The following SYT9 variants were observed in gnomAD, a reference collection of about 807,000 sequenced individuals.
SYT9 encodes synaptotagmin-9.
Under a neutral mutation model 48.4 loss-of-function variants are expected in SYT9, and 22 were observed. The ratio of observed to expected loss-of-function variants is 0.45; its 90% CI spans 0.32 to 0.65. The LOEUF (loss-of-function observed/expected upper bound fraction) is 0.65, where lower values mean the gene tolerates loss of function less well. Among genes scored for constraint, SYT9 ranks in the 30% least tolerant of loss-of-function variants. The pLI, the probability that SYT9 is intolerant of heterozygous loss-of-function variation, is 0.03. For missense variants in SYT9, 577 were observed against 622.0 expected (o/e 0.93, Z 0.77); for synonymous variants, 265 against 245.0 (o/e 1.08, Z -0.76).
intron 1 of SYT9, among the ~76,000 whole-genome samples, chr11:7,256,437 G>A (rs1434224880): frequency 6.6e-6 from 1 of 152,178 alleles, no homozygotes; most frequent in Non-Finnish European, 1.5e-5. Flanking sequence ...GGCTAAAAGT[G>A]ATTGATATAT....
intron 6 of SYT9, among the ~76,000 whole-genome samples, chr11:7,460,127 T>C (rs1277635228): frequency 1.3e-5 from 2 of 152,236 alleles, no homozygotes; most frequent in East Asian, 3.8e-4. Flanking sequence ...ATTAATAATA[T>C]ATCTAATATT....
intron 3 of SYT9, among the ~76,000 whole-genome samples, chr11:7,383,057 A>G (rs1850595813): frequency 6.6e-6 from 1 of 152,218 alleles, no homozygotes; most frequent in African/African-American, 2.4e-5. Context: ...CTTTTTGCCA[A>G]TCTTGTCATG....
In SYT9 at chr11:7,434,329, A is replaced by G. The variant is rs139371715; in HGVS notation, c.1467+13694A>G. Among the ~76,000 whole-genome samples the G allele has an allele frequency of 3.2e-3, 494 of 152,306 alleles. 2 individuals carry two copies. The highest frequency in any genetic ancestry group is 0.011 in the African/African-American group (464 of 41,562). On this transcript the variant is annotated intron_variant, in intron 6 of 6. Transcript: ENST00000318881. ...CTCCCAACCTAGTTCTAAGGCGTCTATGGAGGGATAGTGAGTGGGGCTCTC... is the reference window on the plus strand; with the variant it reads ...CTCCCAACCTAGTTCTAAGGCGTCTGTGGAGGGATAGTGAGTGGGGCTCTC...
In SYT9 at chr11:7,393,627, C is replaced by T. The variant is rs558921959; in HGVS notation, c.1045-22415C>T. 3.9e-5 allele frequency among the ~76,000 whole-genome samples: 6 copies of T among 151,978 alleles called. No individual in the cohort carries two copies. The South Asian group carries it at 1.2e-3, about 32-fold the overall frequency. ...ATGATACTGGTTTTCTAGAATGAGC[C>T]TCCTTCTCAATTTTTGGAATAGTTT... On this transcript the variant is annotated intron_variant, in intron 3 of 6. Coordinates refer to ENST00000318881, the MANE Select transcript of SYT9 (RefSeq NM_175733.4).
chr11:7,385,326 T>C (rs975786337), intron 3 of SYT9, among the ~76,000 whole-genome samples: 2 of 145,388 alleles, frequency 1.4e-5, no homozygotes, highest in Non-Finnish European at 3.0e-5. Flanking sequence ...TGAACTATAT[T>C]GTTTTTGTTT....
At chr11:7,369,790 CACAA>C (rs1475717438) in intron 3 of SYT9, among the ~76,000 whole-genome samples, 15 of 115,716 alleles carry the variant, frequency 1.3e-4, no homozygotes, top group African/African-American at 5.9e-4. Context: ...CACACACACA[CACAA>C]ACACACACAC....
intron 2 of SYT9, among the ~76,000 whole-genome samples, chr11:7,307,366 C>T (rs1849051490): frequency 1.3e-5 from 2 of 152,156 alleles, no homozygotes; most frequent in Non-Finnish European, 2.9e-5. Flanking sequence ...ATAGTTATTT[C>T]TTCAGATTTA....
chr11:7,268,448 A>G (rs554612478), intron 1 of SYT9, among the ~76,000 whole-genome samples: 1 of 151,972 alleles, frequency 6.6e-6, no homozygotes, highest in Non-Finnish European at 1.5e-5. Context: ...AGACAATAGT[A>G]AAAAAATCTT....
At chr11:7,406,573 A>G (rs951483362) in intron 3 of SYT9, among the ~76,000 whole-genome samples, 1 of 130,746 alleles carries the variant, frequency 7.6e-6, no homozygotes, top group African/African-American at 2.9e-5. Flanking sequence ...TATATAGCAC[A>G]TTTTCTTTAT....
intron 3 of SYT9, among the ~76,000 whole-genome samples, chr11:7,339,004 T>G (rs1849672817): frequency 6.6e-6 from 1 of 152,228 alleles, no homozygotes. Flanking sequence ...CTTAAGAATT[T>G]GCTTTATGAA....
intron 6 of SYT9, among the ~76,000 whole-genome samples, chr11:7,449,755 C>T (rs1848009258): frequency 6.6e-6 from 1 of 152,134 alleles, no homozygotes; most frequent in African/African-American, 2.4e-5. Context: ...AAAGCCACAG[C>T]CATCCTCAGA....
At chr11:7,382,383 A>G (rs1850581977) in intron 3 of SYT9, among the ~76,000 whole-genome samples, 1 of 152,206 alleles carries the variant, frequency 6.6e-6, no homozygotes, top group Admixed American at 6.5e-5. Flanking sequence ...CAATAGAGAT[A>G]TGATGACTAC....
At chr11:7,248,935 C>T (rs1847826324), upstream of SYT9, among the ~76,000 whole-genome samples, 1 of 152,142 alleles carries the variant, frequency 6.6e-6, no homozygotes, top group South Asian at 2.1e-4. Context: ...TCAAACTATA[C>T]TATAAGACCA....
At chr11:7,250,873 A>G (rs1847854671), upstream of SYT9, among the ~76,000 whole-genome samples, 2 of 152,156 alleles carry the variant, frequency 1.3e-5, no homozygotes, top group Admixed American at 6.5e-5. Context: ...GGGGGCCTGA[A>G]CACCAGTATT....
intron 3 of SYT9, among the ~76,000 whole-genome samples, chr11:7,319,560 G>A (rs758618642): frequency 3.9e-5 from 6 of 152,130 alleles, no homozygotes; most frequent in Non-Finnish European, 8.8e-5. Flanking sequence ...ATAACAATGC[G>A]AATTGTCAGT....
chr11:7,346,253 A>G (rs1849798315), intron 3 of SYT9, among the ~76,000 whole-genome samples: 1 of 152,180 alleles, frequency 6.6e-6, no homozygotes, highest in Non-Finnish European at 1.5e-5. Flanking sequence ...GAATTTTTCA[A>G]AATGGGAGAA....
At position 7,297,175 on chromosome 11, in the gene SYT9, AC is replaced by A. The variant is rs1386049843; in HGVS notation, c.146-5862del. 4.5e-4 allele frequency among the ~76,000 whole-genome samples: 69 copies of A among 152,062 alleles called. 1 individual carries two copies. The highest frequency in any genetic ancestry group is 1.6e-3 in the African/African-American group (65 of 41,490). On this transcript the variant is annotated intron_variant, in intron 1 of 6. Coordinates refer to ENST00000318881, the MANE Select transcript of SYT9 (RefSeq NM_175733.4). ...TGCTTGCTAAAAATGGAGACTCTGG[AC>A]CTCACCCAAGACATATTAAATAAGA...
chr11:7,420,789 A>C (rs1235563330), intron 6 of SYT9, among the ~76,000 whole-genome samples, 154 bp downstream of exon 6: 1 of 152,166 alleles, frequency 6.6e-6, no homozygotes, highest in Non-Finnish European at 1.5e-5. Flanking sequence ...CTTGCATTCA[A>C]TTTGAGGCTG....
intron 1 of SYT9, among the ~76,000 whole-genome samples, chr11:7,264,788 A>G (rs1180335136): frequency 1.3e-5 from 2 of 152,098 alleles, no homozygotes; most frequent in Non-Finnish European, 2.9e-5. Flanking sequence ...TGGAAGTGTT[A>G]TCGACATGGA....
Sources: gnomAD v4.1 joint callset for allele counts (sites outside exome capture counted in the v4.1 genomes callset) on GRCh38, gnomAD v4.1.1 for gene constraint, MANE v1.5 for transcripts, NCBI Gene and HGNC (gene_info 2026-07-23, HGNC 2026-07-21) for gene names.